SNTG1: variants seen among roughly 807,000 people sequenced by gnomAD.
The protein encoded by SNTG1 is syntrophin gamma 1, also known as gamma-1-syntrophin.
In SNTG1, 39 loss-of-function variants were observed where a neutral mutation model predicts 74.7. The ratio of observed to expected loss-of-function variants is 0.52; its 90% CI spans 0.40 to 0.68. The LOEUF (loss-of-function observed/expected upper bound fraction) is 0.68, where lower values mean the gene tolerates loss of function less well. SNTG1 is among the 30% of genes least tolerant of loss of function. SNTG1 has a pLI of 0.00. For synonymous variants in SNTG1, 254 were observed against 217.1 expected, an observed-to-expected ratio of 1.17 and a Z score of -1.49; for missense variants, 685 against 609.5, an observed-to-expected ratio of 1.12 and a Z score of -1.30.
Position 50,502,784 on chromosome 8 carries a change from G to C in SNTG1, c.370G>C (p.Val124Leu). 1.2e-6 allele frequency: 2 copies of C among 1,612,044 alleles called. No homozygotes were observed. The highest frequency in any genetic ancestry group is 1.7e-6 in the Non-Finnish European group (2 of 1,178,688). The change falls in exon 9 of 19, where the codon GTT (valine) becomes CTT (leucine). Residue 124 changes from valine (V) to leucine (L), a missense_variant. Val to Leu is a conservative substitution (Grantham distance 32). Coordinates refer to ENST00000642720, the MANE Select transcript of SNTG1 (RefSeq NM_018967.5). ...RKCRHEEVVQ[V>L]LRNAGEEVTL... ...TTTTTATTCTTTTTTTCAGGTTCAG[G>C]TTCTTCGGAATGCTGGAGAAGAAGT...
chr8:50,280,077 T>C (rs916310997), intron 2 of SNTG1, among the ~76,000 whole-genome samples: 2 of 152,198 alleles, frequency 1.3e-5, no homozygotes, highest in African/African-American at 4.8e-5. Flanking sequence ...TATTTATATA[T>C]ACTAAAGAGA....
At chr8:50,581,931 G>A (rs1291425306) in intron 12 of SNTG1, among the ~76,000 whole-genome samples, 1 of 152,174 alleles carries the variant, frequency 6.6e-6, no homozygotes, top group East Asian at 1.9e-4. Flanking sequence ...CCATGCAAAG[G>A]ATAAGATGCT....
intron 2 of SNTG1, among the ~76,000 whole-genome samples, chr8:50,313,025 C>G (rs938131232): frequency 3.3e-5 from 5 of 149,476 alleles, no homozygotes; most frequent in Non-Finnish European, 5.9e-5. Flanking sequence ...CATCAAAATT[C>G]CATGGTAATC....
chr8:50,010,785 CTTTT>C (rs774350614), intron 1 of SNTG1, among the ~76,000 whole-genome samples: 16 of 89,150 alleles, frequency 1.8e-4, no homozygotes, highest in Non-Finnish European at 2.6e-4. Context: ...ACAGGCCTCT[CTTTT>C]TTTTTTTTTT....
chr8:50,524,158 T>C (rs981526804), intron 9 of SNTG1, among the ~76,000 whole-genome samples: 9 of 152,108 alleles, frequency 5.9e-5, no homozygotes, highest in African/African-American at 1.9e-4. Context: ...GTGACTCTAA[T>C]AGGTATTGCA....
At chr8:50,556,450 G>T (rs2094456065) in intron 12 of SNTG1, among the ~76,000 whole-genome samples, 1 of 152,142 alleles carries the variant, frequency 6.6e-6, no homozygotes, top group Admixed American at 6.6e-5. Context: ...GACTTGAGTA[G>T]ATTCTAAAAG....
At chr8:50,516,089 C>T (rs2094131623) in intron 9 of SNTG1, among the ~76,000 whole-genome samples, 1 of 152,114 alleles carries the variant, frequency 6.6e-6, no homozygotes, top group Non-Finnish European at 1.5e-5. Context: ...AAGAAGCTTC[C>T]AGAGAAAGGA....
At chr8:50,656,823 T>G in intron 13 of SNTG1, 86 bp from the exon 14 acceptor site, 1 of 878,938 alleles carries the variant, frequency 1.1e-6, no homozygotes, top group Non-Finnish European at 1.8e-6. Flanking sequence ...CTAAAATATT[T>G]TTAATATTTG....
At chr8:50,666,264 T>G (rs2095250421) in intron 15 of SNTG1, among the ~76,000 whole-genome samples, 1 of 152,112 alleles carries the variant, frequency 6.6e-6, no homozygotes, top group South Asian at 2.1e-4. Flanking sequence ...TCAAAGTCAT[T>G]AAAGTTAGGA....
chr8:50,314,075 A>G (rs114289181), intron 2 of SNTG1, among the ~76,000 whole-genome samples: 2,381 of 149,812 alleles, frequency 0.016, 233 homozygotes, highest in African/African-American at 0.057. Flanking sequence ...ACAAGCCCTT[A>G]CATTGTTAGG....
At chr8:50,594,959 C>A in intron 13 of SNTG1, among the ~76,000 whole-genome samples, 1 of 150,360 alleles carries the variant, frequency 6.7e-6, no homozygotes, top group Admixed American at 6.6e-5. Flanking sequence ...TGATGCATAC[C>A]CTAAAATTTA....
At chr8:49,936,445 A>C (rs897874369) in intron 1 of SNTG1, among the ~76,000 whole-genome samples, 2 of 152,176 alleles carry the variant, frequency 1.3e-5, no homozygotes, top group Non-Finnish European at 2.9e-5. Flanking sequence ...TGGAAGTATC[A>C]CTCACGTTTG....
chr8:50,583,379 C>T (rs1046749830), intron 12 of SNTG1, among the ~76,000 whole-genome samples: 19 of 123,728 alleles, frequency 1.5e-4, no homozygotes, highest in African/African-American at 4.3e-4. Context: ...CCAGCCTGGG[C>T]GACAGAGTGA....
intron 13 of SNTG1, among the ~76,000 whole-genome samples, chr8:50,637,385 G>T (rs1371470529): frequency 6.6e-6 from 1 of 151,586 alleles, no homozygotes; most frequent in Non-Finnish European, 1.5e-5. Context: ...ATTCAATTAG[G>T]TAACCTTTCT....
At chr8:49,946,770 C>A (rs538325681) in intron 1 of SNTG1, among the ~76,000 whole-genome samples, 2 of 152,172 alleles carry the variant, frequency 1.3e-5, no homozygotes, top group South Asian at 4.1e-4. Flanking sequence ...TAGACAAAAT[C>A]TAAATCATGA....
chr8:49,919,761 T>C (rs1405792508), intron 1 of SNTG1, among the ~76,000 whole-genome samples: 1 of 152,098 alleles, frequency 6.6e-6, no homozygotes, highest in Non-Finnish European at 1.5e-5. Context: ...CTTTTTTCAG[T>C]AGTTTTAAAT....
At chr8:50,688,289 T>G (rs1406962198) in intron 15 of SNTG1, among the ~76,000 whole-genome samples, 2 of 152,226 alleles carry the variant, frequency 1.3e-5, no homozygotes, top group African/African-American at 4.8e-5. Context: ...TTTTGGCTTT[T>G]GTTGCCATTG....
chr8:50,296,324 T>C lies in SNTG1; in HGVS notation c.-27-97888T>C, dbSNP rs187054705. ...AAGACACATGCACATATACTTTTAT[T>C]GCAGCACAATTTACAATTGCAAAGA... On this transcript the variant is annotated intron_variant, in intron 2 of 18. Transcript: ENST00000642720. Among the ~76,000 whole-genome samples the C allele has an allele frequency of 1.6e-3, 244 of 152,332 alleles. 2 individuals carry two copies. The highest frequency in any genetic ancestry group is 0.014 in the Middle Eastern group (4 of 294).
intron 2 of SNTG1, among the ~76,000 whole-genome samples, chr8:50,174,054 T>C (rs2082904487): frequency 6.6e-6 from 1 of 152,338 alleles, no homozygotes. Flanking sequence ...GTTCTTGTTA[T>C]TGAGCTCCCA....
Sources: allele counts gnomAD v4.1 joint callset (sites outside exome capture counted in the v4.1 genomes callset), GRCh38; gene constraint gnomAD v4.1.1; transcripts MANE v1.5; gene names NCBI Gene and HGNC (gene_info 2026-07-23, HGNC 2026-07-21).